Variants in KITLG observed in about 807,000 individuals in gnomAD.
The protein encoded by KITLG is c-Kit ligand.
In KITLG, 13 loss-of-function variants were observed where a neutral mutation model predicts 34.1. That is an observed-to-expected ratio of 0.38 (90% CI 0.25 to 0.61). The LOEUF (loss-of-function observed/expected upper bound fraction) is 0.61, where lower values mean the gene tolerates loss of function less well. Ranked by LOEUF, KITLG falls within the 20% of genes least tolerant of loss-of-function variation. The pLI is 0.60. For synonymous variants in KITLG, 110 were observed against 104.0 expected (o/e 1.06, Z -0.35); for missense variants, 292 against 318.9 (o/e 0.92, Z 0.64).
At chr12:88,510,275 TCC>T (rs1483930434) in intron 6 of KITLG, among the ~76,000 whole-genome samples, 9 of 152,298 alleles carry the variant, frequency 5.9e-5, no homozygotes, top group Non-Finnish European at 1.3e-4. Flanking sequence ...TGAGTATTCT[TCC>T]TTGATTCAGA....
intron 2 of KITLG, among the ~76,000 whole-genome samples, chr12:88,536,220 A>G (rs1300399941): frequency 2.0e-5 from 3 of 152,168 alleles, no homozygotes; most frequent in Non-Finnish European, 4.4e-5. Context: ...AAATAACCCC[A>G]TAAACAACAA....
intron 1 of KITLG, chr12:88,546,125 G>A: frequency 1.9e-6 from 1 of 536,796 alleles, no homozygotes; most frequent in Non-Finnish European, 3.5e-6. Context: ...TTTCCCAATG[G>A]CAATTAGGAA....
At chr12:88,566,765 G>A (rs1312637985) in intron 1 of KITLG, among the ~76,000 whole-genome samples, 2 of 152,202 alleles carry the variant, frequency 1.3e-5, no homozygotes, top group Non-Finnish European at 2.9e-5. Context: ...AAAGTCGGTA[G>A]AGGATTTTAG....
chr12:88,542,143 T>G (rs982965097), intron 2 of KITLG, among the ~76,000 whole-genome samples: 4 of 152,148 alleles, frequency 2.6e-5, no homozygotes, highest in African/African-American at 9.7e-5. Flanking sequence ...AAAAACATCA[T>G]TATGGAATAA....
chr12:88,552,387 A>G (rs1247495599), intron 1 of KITLG, among the ~76,000 whole-genome samples: 2 of 149,804 alleles, frequency 1.3e-5, no homozygotes, highest in East Asian at 3.9e-4. Context: ...ACAGAGTTTC[A>G]CCATGTTGGC....
intron 2 of KITLG, among the ~76,000 whole-genome samples, chr12:88,539,422 A>G (rs1299489598): frequency 1.3e-5 from 2 of 152,134 alleles, no homozygotes; most frequent in African/African-American, 4.8e-5. Flanking sequence ...CTACACTTCT[A>G]TCATCGTTCA....
intron 2 of KITLG, among the ~76,000 whole-genome samples, chr12:88,541,828 T>C (rs574220346): frequency 6.6e-6 from 1 of 152,186 alleles, no homozygotes; most frequent in Admixed American, 6.5e-5. Flanking sequence ...AAAAAAAAAT[T>C]TGACATTAAA....
chr12:88,559,065 T>C (rs1871203199), intron 1 of KITLG, among the ~76,000 whole-genome samples: 1 of 152,072 alleles, frequency 6.6e-6, no homozygotes, highest in African/African-American at 2.4e-5. Flanking sequence ...CAATAACCTA[T>C]GGAAATTAAA....
At chr12:88,508,091 G>A (rs1869134921) in intron 6 of KITLG, among the ~76,000 whole-genome samples, 1 of 151,954 alleles carries the variant, frequency 6.6e-6, no homozygotes, top group South Asian at 2.1e-4. Flanking sequence ...GGAGGCTGAG[G>A]CAGGAGAATC....
chr12:88,579,488 C>T (rs1424816205), intron 1 of KITLG, among the ~76,000 whole-genome samples: 1 of 152,186 alleles, frequency 6.6e-6, no homozygotes, highest in Non-Finnish European at 1.5e-5. Context: ...ATTGTCCCCC[C>T]AGGCAGCGCT....
At chr12:88,501,170 C>T (rs988467568) in intron 9 of KITLG, among the ~76,000 whole-genome samples, 7 of 152,004 alleles carry the variant, frequency 4.6e-5, no homozygotes, top group Non-Finnish European at 1.0e-4. Context: ...ATATTAAACC[C>T]TCCTTCTTTT....
At chr12:88,560,876 G>A (rs180770435) in intron 1 of KITLG, among the ~76,000 whole-genome samples, 59 of 150,634 alleles carry the variant, frequency 3.9e-4, no homozygotes, top group Admixed American at 3.8e-3. Context: ...GCTGAGGCAG[G>A]AGAATCGCTT....
At chr12:88,504,204 T>C (rs1868962802) in intron 9 of KITLG, among the ~76,000 whole-genome samples, 1 of 152,116 alleles carries the variant, frequency 6.6e-6, no homozygotes, top group African/African-American at 2.4e-5. Context: ...ATGAATTAGA[T>C]ATGCACATTT....
intron 2 of KITLG, 151 bp from the exon 3 acceptor site, chr12:88,532,654 C>T (rs1033035564): frequency 3.0e-5 from 18 of 607,966 alleles, no homozygotes; most frequent in South Asian, 2.3e-4. Context: ...ATTTTTAATC[C>T]TTGATTTCCC....
intron 3 of KITLG, among the ~76,000 whole-genome samples, chr12:88,523,189 T>C (rs773884263): frequency 8.5e-5 from 13 of 152,202 alleles, no homozygotes; most frequent in Non-Finnish European, 1.6e-4. Flanking sequence ...CTCTGGGATG[T>C]GCAATCAAAA....
chr12:88,518,916 G>C, intron 3 of KITLG, 49 bp from the exon 4 acceptor site: 1 of 1,532,830 alleles, frequency 6.5e-7, no homozygotes, highest in Non-Finnish European at 9.0e-7. Flanking sequence ...ATAAGTAAGT[G>C]CCATAAAACT....
chr12:88,572,595 TTATA>T lies in KITLG; in HGVS notation c.15+7665_15+7668del, dbSNP rs58146008. On this transcript the variant is annotated intron_variant, in intron 1 of 9. Transcript: ENST00000644744. ...CATTATATATATATTATATACATTA[TTATA>T]TATATATATATATATATATAATTTG... Among the ~76,000 whole-genome samples, 475 of 134,908 alleles carry T rather than the reference TTATA, an allele frequency of 3.5e-3. 6 individuals are homozygous for T. Among genetic ancestry groups the T allele is most frequent in the Admixed American group, 0.013 (174 of 13,172 alleles). 88.5% of individuals were successfully genotyped at this position (134,908 alleles called of 152,430 possible). A position where few individuals can be genotyped will look rare whatever the true frequency, so the allele number is the denominator to read the frequency against.
intron 3 of KITLG, among the ~76,000 whole-genome samples, chr12:88,520,138 T>G (rs1007926657): frequency 1.1e-4 from 17 of 152,218 alleles, no homozygotes; most frequent in African/African-American, 4.1e-4. Flanking sequence ...CATGGGAATT[T>G]AGTTCAAGTG....
chr12:88,515,964 G>C (rs1441009503), intron 5 of KITLG, among the ~76,000 whole-genome samples: 1 of 151,728 alleles, frequency 6.6e-6, no homozygotes, highest in Non-Finnish European at 1.5e-5. Flanking sequence ...AACTGGGGAG[G>C]ATCAGAATTT....
Sources: gnomAD v4.1 joint callset for allele counts (sites outside exome capture counted in the v4.1 genomes callset) on GRCh38, gnomAD v4.1.1 for gene constraint, MANE v1.5 for transcripts, NCBI Gene and HGNC (gene_info 2026-07-23, HGNC 2026-07-21) for gene names.